Variants in ZDHHC11 observed in about 807,000 individuals in gnomAD.
ZDHHC11 encodes palmitoyltransferase ZDHHC11.
Under a neutral mutation model 51.3 loss-of-function variants are expected in ZDHHC11, and 44 were observed. That is an observed-to-expected ratio of 0.86 (90% CI 0.67 to 1.10). ZDHHC11 has a LOEUF of 1.10. ZDHHC11 is among the 50% of genes least tolerant of loss of function. The probability of loss-of-function intolerance (pLI) is 0.00; values close to 1 mark genes in which losing one functional copy is unlikely to be tolerated. For missense variants in ZDHHC11, 400 were observed against 537.7 expected (o/e 0.74, Z 2.53); for synonymous variants, 163 against 222.0 (o/e 0.73, Z 2.36).
At chr5:854,131 C>T (rs531297514), upstream of ZDHHC11, among the ~76,000 whole-genome samples, 2 of 141,278 alleles carry the variant, frequency 1.4e-5, no homozygotes, top group Non-Finnish European at 3.1e-5. Context: ...CGGGGACAGA[C>T]CCCACAGAGG....
At chr5:815,189 G>C (rs1740619950) in intron 10 of ZDHHC11, among the ~76,000 whole-genome samples, 1 of 151,586 alleles carries the variant, frequency 6.6e-6, no homozygotes, top group Non-Finnish European at 1.5e-5. Flanking sequence ...GGAGGACACA[G>C]AGAACAGGTG....
chr5:840,627 G>C lies in ZDHHC11; in HGVS notation c.652C>G (p.Leu218Val). Residue 218 changes from leucine (L) to valine (V), a missense_variant, in exon 5 of 13, where the codon CTG becomes GTG. Around this residue, in one of 5 missense-constraint regions of ZDHHC11, gnomAD observed 26 missense variants for 47.1 expected, o/e 0.55. Transcript: ENST00000283441. ...YEDVKNMNTWLLFLPLFPVQV... is the reference protein window; with the variant it reads ...YEDVKNMNTWVLFLPLFPVQV... ...ACCGGGAACAGGGGGAGGAACAGCA[G>C]CCACGTGTTCATATTCTTGACATCT... The C allele has an allele frequency of 6.2e-7, 1 of 1,613,868 alleles. No individual in the cohort carries two copies. The highest frequency in any genetic ancestry group is 8.5e-7 in the Non-Finnish European group (1 of 1,179,872).
chr5:818,566 G>GCCT (rs1741136229), intron 10 of ZDHHC11, among the ~76,000 whole-genome samples: 1 of 151,626 alleles, frequency 6.6e-6, no homozygotes, highest in African/African-American at 2.4e-5. Flanking sequence ...TTCTCAGATG[G>GCCT]ATTCCCCCAC....
intron 8 of ZDHHC11, among the ~76,000 whole-genome samples, chr5:824,539 C>T (rs1251732993): frequency 6.6e-6 from 1 of 151,456 alleles, no homozygotes; most frequent in Non-Finnish European, 1.5e-5. Context: ...GCCCTAAAGC[C>T]GGCAGCCGCG....
chr5:835,491 A>G (rs1360483528), intron 6 of ZDHHC11, among the ~76,000 whole-genome samples: 1 of 151,758 alleles, frequency 6.6e-6, no homozygotes, highest in African/African-American at 2.4e-5. Context: ...CTTTAGTGCT[A>G]CAGCTTTATA....
At chr5:804,670 T>C (rs1442935531) in intron 11 of ZDHHC11, among the ~76,000 whole-genome samples, 1 of 151,178 alleles carries the variant, frequency 6.6e-6, no homozygotes, top group Admixed American at 6.6e-5. Context: ...CATTAGAAAC[T>C]AAGGAGGCTC....
At chr5:813,422 G>A (rs669743) in intron 11 of ZDHHC11, among the ~76,000 whole-genome samples, 22,298 of 134,918 alleles carry the variant, frequency 0.17, 3,471 homozygotes, top group African/African-American at 0.45. Flanking sequence ...CATCTGTGAG[G>A]GGGAGACCGG....
chr5:819,245 G>C (rs1368110874), intron 10 of ZDHHC11, among the ~76,000 whole-genome samples: 5 of 151,508 alleles, frequency 3.3e-5, no homozygotes, highest in Non-Finnish European at 5.9e-5. Context: ...GCCTGCCCTG[G>C]GCATCTGCCC....
intron 11 of ZDHHC11, among the ~76,000 whole-genome samples, chr5:812,998 A>G (rs1247622536): frequency 7.0e-6 from 1 of 142,378 alleles, no homozygotes; most frequent in Non-Finnish European, 1.5e-5. Context: ...TAACAAGGTT[A>G]TAAGTTCTGA....
At chr5:848,026 C>CT (rs756697985) in intron 2 of ZDHHC11, among the ~76,000 whole-genome samples, 25 of 150,724 alleles carry the variant, frequency 1.7e-4, no homozygotes, top group Admixed American at 3.3e-4. Context: ...TAGCCAACCC[C>CT]TAGGCCATCA....
upstream of ZDHHC11, among the ~76,000 whole-genome samples, chr5:852,284 G>GGCCTTGA (rs770583658): frequency 4.6e-5 from 7 of 152,216 alleles, no homozygotes; most frequent in Non-Finnish European, 7.3e-5. Context: ...ATCGCTCAGC[G>GGCCTTGA]GCCTTGAGCC....
intron 7 of ZDHHC11, among the ~76,000 whole-genome samples, chr5:828,798 G>GT (rs758076813): frequency 8.2e-5 from 12 of 145,588 alleles, no homozygotes; most frequent in Non-Finnish European, 1.7e-4. Context: ...ATTACATCAA[G>GT]TATCTTTTCA....
intron 12 of ZDHHC11, 119 bp downstream of exon 12, chr5:800,981 A>C (rs1164259594): frequency 8.2e-7 from 1 of 1,216,376 alleles, no homozygotes; most frequent in Non-Finnish European, 1.2e-6. Flanking sequence ...TCAAGAGACA[A>C]ACGACAAGCA....
intron 8 of ZDHHC11, among the ~76,000 whole-genome samples, chr5:822,201 T>TA (rs1409094177): frequency 6.6e-6 from 1 of 151,238 alleles, no homozygotes; most frequent in Admixed American, 6.6e-5. Flanking sequence ...ATGAGGCTAT[T>TA]AGAGTGAGCC....
At chr5:852,230 C>G (rs1339945659), upstream of ZDHHC11, among the ~76,000 whole-genome samples, 1 of 152,144 alleles carries the variant, frequency 6.6e-6, no homozygotes, top group Non-Finnish European at 1.5e-5. Flanking sequence ...CCTGGAATAT[C>G]AAATCCAGGA....
upstream of ZDHHC11, among the ~76,000 whole-genome samples, chr5:853,455 A>G (rs1747622487): frequency 7.2e-6 from 1 of 138,570 alleles, no homozygotes; most frequent in Non-Finnish European, 1.5e-5. Context: ...CAGGGGGCAC[A>G]GACCCCACAG....
chr5:813,327 C>CAAAAAAAT (rs1554051897), intron 11 of ZDHHC11, among the ~76,000 whole-genome samples: 3 of 140,602 alleles, frequency 2.1e-5, no homozygotes, highest in East Asian at 2.3e-4. Context: ...GACCCTGTCT[C>CAAAAAAAT]AAAAAAATAA....
At chr5:800,181 C>T (rs1196831643) in intron 12 of ZDHHC11, among the ~76,000 whole-genome samples, 2 of 151,048 alleles carry the variant, frequency 1.3e-5, no homozygotes, top group East Asian at 3.9e-4. Flanking sequence ...TGGGAAGCTG[C>T]CTGGAGCACA....
At chr5:841,366 C>G (rs1412784267) in intron 4 of ZDHHC11, 1 of 918,098 alleles carries the variant, frequency 1.1e-6, no homozygotes, top group African/African-American at 2.6e-5. Flanking sequence ...CCCTTCCTCA[C>G]TAAGTGCCAG....
Sources: gnomAD v4.1 joint callset for allele counts (sites outside exome capture counted in the v4.1 genomes callset) on GRCh38, gnomAD v4.1.1 for gene constraint, gnomAD v4.1.1 regional missense constraint, MANE v1.5 for transcripts, NCBI Gene and HGNC (gene_info 2026-07-23, HGNC 2026-07-21) for gene names.